Variants in KAZN observed in about 807,000 individuals in gnomAD.
KAZN encodes kazrin, periplakin interacting protein, also known as kazrin.
KAZN carries 40 observed loss-of-function variants against 87.4 expected under a neutral mutation model. The ratio of observed to expected loss-of-function variants is 0.46; its 90% confidence interval spans 0.36 to 0.60. The LOEUF is 0.60. Ranked by LOEUF, KAZN falls within the 20% of genes least tolerant of loss-of-function variation. The pLI, the probability that KAZN is intolerant of heterozygous loss-of-function variation, is 0.00. For synonymous variants in KAZN, 466 were observed against 458.3 expected (o/e 1.02, Z -0.22); for missense variants, 898 against 1,073.9 (o/e 0.84, Z 2.29).
chr1:15,092,060 G>GTTTTTTTT (rs57460680), intron 8 of KAZN, among the ~76,000 whole-genome samples: 1 of 114,444 alleles, frequency 8.7e-6, no homozygotes, highest in Non-Finnish European at 1.8e-5. Flanking sequence ...TTGTTTTTTT[G>GTTTTTTTT]TTTTTTTTTT....
Position 14,705,820 on chromosome 1 carries a change from T to A in KAZN, c.226+106597T>A, listed in dbSNP as rs538447960. ...GAGGCATTTGTTAAAGACTACAAAGTTACAGCTAAATAGAAAAGGAATACC... is the reference window on the plus strand; with the variant it reads ...GAGGCATTTGTTAAAGACTACAAAGATACAGCTAAATAGAAAAGGAATACC... On this transcript the variant is annotated intron_variant, in intron 1 of 14. Transcript: ENST00000376030. 2.0e-5 allele frequency among the ~76,000 whole-genome samples: 3 copies of A among 152,280 alleles called. No homozygotes were observed. The South Asian group carries it at 6.2e-4, about 32-fold the overall frequency.
rs375045089 is a variant in KAZN, at chr1:14,952,315, C to A, written c.227-8369C>A. 4.0e-5 allele frequency among the ~76,000 whole-genome samples: 6 copies of A among 151,384 alleles called. No homozygotes were observed. In the East Asian group the frequency reaches 9.7e-4, roughly 24 times the overall value. On this transcript the variant is annotated intron_variant, in intron 1 of 14. Transcript: ENST00000376030. ...CACTAGTGTTTCCTGGTCACACAGA[C>A]CCCTCGCTATCCACAAAGCCACCAA... is the stretch of plus-strand genomic sequence containing the variant.
At chr1:14,787,451 T>C (rs539869214) in intron 1 of KAZN, among the ~76,000 whole-genome samples, 2 of 152,300 alleles carry the variant, frequency 1.3e-5, no homozygotes, top group African/African-American at 4.8e-5. Context: ...CTTGGGTTGA[T>C]CTCTTTAAGC....
rs547904230 is a variant in KAZN, at chr1:14,487,501, C to T, written c.250-111482C>T. 2.0e-5 allele frequency among the ~76,000 whole-genome samples: 3 copies of T among 152,264 alleles called. No homozygotes were observed. In the East Asian group the frequency reaches 5.8e-4, roughly 29 times the overall value. ...GTGTCCAGACATTCACTTATTTCCC[C>T]AGCTTCATATCCACATACAAAGGGA... On this transcript the variant is annotated intron_variant, in intron 2 of 16. Transcript: ENST00000636203.
chr1:14,864,032 T>C (rs1651167222), intron 1 of KAZN, among the ~76,000 whole-genome samples: 1 of 152,184 alleles, frequency 6.6e-6, no homozygotes, highest in Non-Finnish European at 1.5e-5. Flanking sequence ...GAGGCTGTTA[T>C]GAGCCAGGCA....
At chr1:14,916,593 G>A (rs1392043569) in intron 1 of KAZN, among the ~76,000 whole-genome samples, 1 of 152,180 alleles carries the variant, frequency 6.6e-6, no homozygotes, top group Non-Finnish European at 1.5e-5. Context: ...GATAAGGAAG[G>A]ACTTTATTAT....
At chr1:15,054,622 G>A (rs1266393438) in intron 4 of KAZN, among the ~76,000 whole-genome samples, 2 of 150,946 alleles carry the variant, frequency 1.3e-5, no homozygotes, top group African/African-American at 2.4e-5. Flanking sequence ...ACTGCACTCC[G>A]GCCTGGGCAA....
intron 8 of KAZN, among the ~76,000 whole-genome samples, chr1:15,092,485 G>C (rs187622392): frequency 6.3e-4 from 95 of 151,714 alleles, no homozygotes; most frequent in African/African-American, 2.2e-3. Flanking sequence ...GTTTTGTTCT[G>C]TTTTGAGTTG....
At chr1:14,905,572 G>A (rs948329925) in intron 1 of KAZN, among the ~76,000 whole-genome samples, 2 of 152,194 alleles carry the variant, frequency 1.3e-5, no homozygotes, top group African/African-American at 4.8e-5. Context: ...CAGGCTGGGT[G>A]CAGTGGCTCA....
chr1:14,526,327 T>C (rs1671862906), intron 2 of KAZN, among the ~76,000 whole-genome samples: 1 of 152,222 alleles, frequency 6.6e-6, no homozygotes, highest in Non-Finnish European at 1.5e-5. Context: ...CAGCAGAGTC[T>C]GGGGCAGCCA....
chr1:14,501,425 C>G (rs1192498300), intron 2 of KAZN, among the ~76,000 whole-genome samples: 1 of 152,132 alleles, frequency 6.6e-6, no homozygotes. Flanking sequence ...TTGTAAGATA[C>G]AAGATCAATC....
intron 1 of KAZN, among the ~76,000 whole-genome samples, chr1:14,871,649 A>AGTGT (rs3033520): frequency 0.024 from 3,535 of 144,582 alleles, 60 homozygotes; most frequent in Non-Finnish European, 0.03. Flanking sequence ...CATGAGCAGC[A>AGTGT]GTGTGTGTGT....
At chr1:14,535,377 C>T (rs55838206) in intron 2 of KAZN, among the ~76,000 whole-genome samples, 22,083 of 152,282 alleles carry the variant, frequency 0.15, 1,989 homozygotes, top group Non-Finnish European at 0.19. Flanking sequence ...AAGAAATACA[C>T]TGGACTTGGC....
intron 8 of KAZN, among the ~76,000 whole-genome samples, chr1:15,087,382 G>C (rs1317306148): frequency 2.0e-5 from 3 of 147,696 alleles, no homozygotes; most frequent in Non-Finnish European, 4.5e-5. Flanking sequence ...TGTGTTTTAT[G>C]CTTAAAGCAC....
intron 2 of KAZN, among the ~76,000 whole-genome samples, chr1:14,362,867 C>T (rs1295751010): frequency 6.6e-6 from 1 of 152,066 alleles, no homozygotes; most frequent in Non-Finnish European, 1.5e-5. Context: ...ATATATTTGT[C>T]TCTATTTCAT....
chr1:14,756,364 A>C (rs1354672052), intron 1 of KAZN, among the ~76,000 whole-genome samples: 1 of 152,194 alleles, frequency 6.6e-6, no homozygotes, highest in Non-Finnish European at 1.5e-5. Flanking sequence ...CTGGAAAGCC[A>C]GCTCTAGTCT....
At chr1:13,937,174 G>T (rs1327411206) in intron 1 of KAZN, among the ~76,000 whole-genome samples, 1 of 151,922 alleles carries the variant, frequency 6.6e-6, no homozygotes, top group Admixed American at 6.6e-5. Context: ...AGCCTCCTGA[G>T]TAGCTGGAAT....
intron 1 of KAZN, among the ~76,000 whole-genome samples, chr1:14,783,399 A>G (rs1280220396): frequency 1.3e-5 from 2 of 151,630 alleles, no homozygotes; most frequent in Non-Finnish European, 2.9e-5. Flanking sequence ...ATAAAAACCA[A>G]CTGTCCTTCA....
At chr1:14,177,167 G>A (rs557101343) in intron 1 of KAZN, among the ~76,000 whole-genome samples, 7 of 151,978 alleles carry the variant, frequency 4.6e-5, no homozygotes, top group African/African-American at 1.4e-4. Context: ...CAAAAAAAAA[G>A]ACAATATGCT....
Sources: allele counts gnomAD v4.1 joint callset (sites outside exome capture counted in the v4.1 genomes callset), GRCh38; gene constraint gnomAD v4.1.1; transcripts MANE v1.5; gene names NCBI Gene and HGNC (gene_info 2026-07-23, HGNC 2026-07-21).